MAML3: variants seen among roughly 807,000 people sequenced by gnomAD.
The protein encoded by MAML3 is mastermind-like protein 3.
A neutral mutation model predicts 101.9 loss-of-function variants in MAML3; 27 were observed. The ratio of observed to expected loss-of-function variants is 0.27; its 90% CI spans 0.20 to 0.37. MAML3 has a LOEUF of 0.37. Ranked by LOEUF, MAML3 falls within the 10% of genes least tolerant of loss-of-function variation. The probability of loss-of-function intolerance (pLI) is 1.00; values close to 1 mark genes in which losing one functional copy is unlikely to be tolerated. For missense variants in MAML3, 1,316 were observed against 1,444.9 expected (o/e 0.91, Z 1.45); for synonymous variants, 501 against 555.9 (o/e 0.90, Z 1.39).
At chr4:140,083,957 CACACACACACAGAGAGAG>C (rs776068479) in intron 1 of MAML3, among the ~76,000 whole-genome samples, 34 of 27,334 alleles carry the variant, frequency 1.2e-3, no homozygotes, top group African/African-American at 3.6e-3. Context: ...CACACACACA[CACACACACACAGAGAGAG>C]AGAGAGAGAG....
intron 1 of MAML3, among the ~76,000 whole-genome samples, chr4:140,112,474 G>T (rs1728453303): frequency 6.6e-6 from 1 of 152,242 alleles, no homozygotes; most frequent in African/African-American, 2.4e-5. Flanking sequence ...TCTGCAGAAA[G>T]TAGCCAGCGA....
At chr4:140,069,100 G>C (rs1372724692) in intron 1 of MAML3, among the ~76,000 whole-genome samples, 1 of 152,150 alleles carries the variant, frequency 6.6e-6, no homozygotes, top group Non-Finnish European at 1.5e-5. Context: ...TAAGTAGCTT[G>C]AATAACCACA....
chr4:139,856,703 C>T (rs1731669689), intron 2 of MAML3, among the ~76,000 whole-genome samples: 1 of 152,204 alleles, frequency 6.6e-6, no homozygotes, highest in Non-Finnish European at 1.5e-5. Flanking sequence ...TCTTTCACCT[C>T]TAAACTTTGT....
intron 1 of MAML3, among the ~76,000 whole-genome samples, chr4:140,111,742 A>G (rs1388504086): frequency 6.6e-6 from 1 of 152,218 alleles, no homozygotes; most frequent in Admixed American, 6.5e-5. Flanking sequence ...ATCTTCATTT[A>G]AAAGGAATAT....
rs376629555 is a variant in MAML3 at position 139,720,344 on chromosome 4, C to G, written c.2417-21G>C. The G allele has an allele frequency of 5.3e-6, 8 of 1,512,138 alleles. No individual in the cohort carries two copies. In the African/African-American group the frequency reaches 9.8e-5, roughly 18 times the overall value. 93.7% of individuals were successfully genotyped at this position (1,512,138 alleles called of 1,614,324 possible). A position where few individuals can be genotyped will look rare whatever the true frequency, so the allele number is the denominator to read the frequency against. On this transcript the variant is annotated intron_variant, in intron 4 of 4. Coordinates refer to ENST00000509479, the MANE Select transcript of MAML3 (RefSeq NM_018717.5). The stretch of plus-strand genomic sequence containing the variant: ...AGAACCTGCAGTGAAAAAGAGGACA[C>G]ATACCACTCACTCTTCTCCATAAGC...
At chr4:139,813,148 A>G (rs2111114437) in intron 2 of MAML3, among the ~76,000 whole-genome samples, 1 of 152,062 alleles carries the variant, frequency 6.6e-6, no homozygotes, top group East Asian at 1.9e-4. Flanking sequence ...AAAGTAAAAA[A>G]TATGAAAAAT....
chr4:139,836,100 G>A (rs188671810), intron 2 of MAML3, among the ~76,000 whole-genome samples: 40 of 152,206 alleles, frequency 2.6e-4, no homozygotes, highest in African/African-American at 9.4e-4. Flanking sequence ...GGCCCTCTAG[G>A]GCTGAAATGC....
intron 1 of MAML3, among the ~76,000 whole-genome samples, chr4:140,090,545 TC>T (rs1356985781): frequency 1.3e-5 from 2 of 152,226 alleles, no homozygotes; most frequent in African/African-American, 4.8e-5. Context: ...TATACTGCTA[TC>T]TCATTTGACA....
intron 1 of MAML3, among the ~76,000 whole-genome samples, chr4:139,936,826 A>AC (rs1281693860): frequency 3.3e-5 from 5 of 152,062 alleles, no homozygotes; most frequent in Non-Finnish European, 7.4e-5. Context: ...TTAAAAAGTG[A>AC]CCCCCCTGAA....
intron 2 of MAML3, among the ~76,000 whole-genome samples, chr4:139,743,881 C>T (rs778054568): frequency 6.6e-6 from 1 of 152,120 alleles, no homozygotes; most frequent in Non-Finnish European, 1.5e-5. Flanking sequence ...TCTGAGTCCC[C>T]ATTAATAAAT....
intron 1 of MAML3, among the ~76,000 whole-genome samples, chr4:139,955,605 AT>A: frequency 6.6e-6 from 1 of 151,714 alleles, no homozygotes; most frequent in East Asian, 1.9e-4. Context: ...CAATTTTATT[AT>A]GAAATGTGCT....
intron 1 of MAML3, among the ~76,000 whole-genome samples, chr4:140,080,690 G>C (rs951181536): frequency 7.0e-6 from 1 of 143,638 alleles, no homozygotes; most frequent in African/African-American, 2.4e-5. Context: ...CCCGTTGTTC[G>C]GTTTCCACTC....
chr4:139,837,057 T>G (rs13102155), intron 2 of MAML3, among the ~76,000 whole-genome samples: 5,104 of 147,138 alleles, frequency 0.035, 94 homozygotes, highest in Middle Eastern at 0.069. Context: ...GGGAGGTGGA[T>G]GTTGCTGTGA....
chr4:140,002,642 C>T (rs528671037), intron 1 of MAML3, among the ~76,000 whole-genome samples: 18 of 152,240 alleles, frequency 1.2e-4, no homozygotes, highest in African/African-American at 2.2e-4. Flanking sequence ...CTACTTATTA[C>T]GCAGCAACCT....
At chr4:139,955,941 C>T (rs1034483512) in intron 1 of MAML3, among the ~76,000 whole-genome samples, 2 of 152,134 alleles carry the variant, frequency 1.3e-5, no homozygotes, top group Admixed American at 6.5e-5. Flanking sequence ...CCCCTACGAA[C>T]GTGAATTGGA....
chr4:139,840,424 C>T (rs1731340520), intron 2 of MAML3, among the ~76,000 whole-genome samples: 1 of 152,142 alleles, frequency 6.6e-6, no homozygotes, highest in African/African-American at 2.4e-5. Flanking sequence ...ACTCTTACTT[C>T]ACATGATGGG....
chr4:139,913,959 A>G (rs1732980276), intron 1 of MAML3, among the ~76,000 whole-genome samples: 1 of 152,230 alleles, frequency 6.6e-6, no homozygotes, highest in Non-Finnish European at 1.5e-5. Context: ...AGAGTTGTGA[A>G]CTGCAATTGT....
chr4:139,893,538 G>T (rs1242927218), intron 1 of MAML3, among the ~76,000 whole-genome samples: 3 of 152,112 alleles, frequency 2.0e-5, no homozygotes, highest in African/African-American at 4.8e-5. Flanking sequence ...CATGGCAGGG[G>T]TTAATAAACA....
chr4:140,116,775 CACTT>C (rs1172836706), intron 1 of MAML3, among the ~76,000 whole-genome samples: 2 of 152,222 alleles, frequency 1.3e-5, no homozygotes, highest in South Asian at 2.1e-4. Context: ...TGAATGGTAA[CACTT>C]ACCTTGTAAA....
Sources: gnomAD v4.1 joint callset for allele counts (sites outside exome capture counted in the v4.1 genomes callset) on GRCh38, gnomAD v4.1.1 for gene constraint, MANE v1.5 for transcripts, NCBI Gene and HGNC (gene_info 2026-07-23, HGNC 2026-07-21) for gene names.